The following SLCO5A1 variants were observed in gnomAD, a reference collection of about 807,000 sequenced individuals.
The protein encoded by SLCO5A1 is organic anion transporter polypeptide-related protein 4.
In SLCO5A1, 39 loss-of-function variants were observed where a neutral mutation model predicts 65.1. The observed-to-expected ratio is 0.60, with a 90% confidence interval of 0.46 to 0.78. The LOEUF (loss-of-function observed/expected upper bound fraction) is 0.78, where lower values mean the gene tolerates loss of function less well. SLCO5A1 is among the 30% of genes least tolerant of loss of function. The pLI is 0.00. For synonymous variants in SLCO5A1, 438 were observed against 415.7 expected, an observed-to-expected ratio of 1.05 and a Z score of -0.65; for missense variants, 1,029 against 1,069.4, an observed-to-expected ratio of 0.96 and a Z score of 0.53.
chr8:69,694,710 A>G (rs985958398), intron 6 of SLCO5A1, among the ~76,000 whole-genome samples: 12 of 152,224 alleles, frequency 7.9e-5, no homozygotes, highest in African/African-American at 2.7e-4. Context: ...AAGTCATTCT[A>G]GACTGTATTC....
intron 2 of SLCO5A1, among the ~76,000 whole-genome samples, chr8:69,811,457 A>T (rs1383460871): frequency 6.6e-6 from 1 of 152,168 alleles, no homozygotes; most frequent in African/African-American, 2.4e-5. Context: ...GATTCCATTC[A>T]TCGCTATGGG....
chr8:69,736,709 C>T (rs560648820), intron 5 of SLCO5A1, among the ~76,000 whole-genome samples: 54 of 152,286 alleles, frequency 3.5e-4, no homozygotes, highest in African/African-American at 6.0e-4. Context: ...AAGAATCCTA[C>T]GATACTTTGT....
intron 2 of SLCO5A1, among the ~76,000 whole-genome samples, chr8:69,804,464 C>T (rs1462368650): frequency 6.6e-6 from 1 of 152,038 alleles, no homozygotes; most frequent in Admixed American, 6.6e-5. Flanking sequence ...CAGGCACAGG[C>T]CACCACACCC....
At chr8:69,801,281 C>A (rs1819724642) in intron 2 of SLCO5A1, among the ~76,000 whole-genome samples, 1 of 152,150 alleles carries the variant, frequency 6.6e-6, no homozygotes, top group African/African-American at 2.4e-5. Context: ...GCTGTAAAGA[C>A]CTTAAGGAAT....
intron 2 of SLCO5A1, among the ~76,000 whole-genome samples, chr8:69,825,354 T>C (rs1820830440): frequency 6.6e-6 from 1 of 152,218 alleles, no homozygotes; most frequent in South Asian, 2.1e-4. Flanking sequence ...TGTTTGCAGA[T>C]GACATGATTG....
At chr8:69,777,823 A>G (rs936289435) in intron 2 of SLCO5A1, among the ~76,000 whole-genome samples, 3 of 152,208 alleles carry the variant, frequency 2.0e-5, no homozygotes, top group African/African-American at 7.2e-5. Context: ...ACTGGATGCC[A>G]GAAGCAGACG....
At position 69,684,345 on chromosome 8, in the gene SLCO5A1, G is replaced by A. The variant is rs140350019; in HGVS notation, c.1623-2002C>T. 6.0e-3 allele frequency among the ~76,000 whole-genome samples: 918 copies of A among 152,256 alleles called. 17 individuals carry two copies. The highest frequency in any genetic ancestry group is 0.021 in the African/African-American group (870 of 41,552). ...GTTCCTACTGAGGTAGGAGATCAGC[G>A]GGACCTGCTTTCTGAGCCCTGGTCA... On this transcript the variant is annotated intron_variant, in intron 6 of 9. Transcript: ENST00000260126.
intron 4 of SLCO5A1, 59 bp from the exon 5 acceptor site, chr8:69,738,263 A>C: frequency 2.8e-6 from 4 of 1,453,742 alleles, no homozygotes; most frequent in East Asian, 2.5e-5. Context: ...AAACAAAATA[A>C]AACTGAATTG....
intron 5 of SLCO5A1, among the ~76,000 whole-genome samples, chr8:69,712,290 A>G (rs1586713871): frequency 6.6e-6 from 1 of 152,222 alleles, no homozygotes; most frequent in Non-Finnish European, 1.5e-5. Context: ...GTCAAGCACT[A>G]TTATGCCACA....
chr8:69,779,344 A>G (rs1486297485), intron 2 of SLCO5A1, among the ~76,000 whole-genome samples: 1 of 152,204 alleles, frequency 6.6e-6, no homozygotes, highest in Admixed American at 6.5e-5. Flanking sequence ...TTATAGTTTT[A>G]ACATGTTAAC....
chr8:69,703,358 G>T (rs1814833962), intron 6 of SLCO5A1, among the ~76,000 whole-genome samples: 1 of 151,992 alleles, frequency 6.6e-6, no homozygotes, highest in Admixed American at 6.6e-5. Context: ...TAAATGCCTT[G>T]AAGTTATTTA....
At chr8:69,778,621 T>A (rs559069556) in intron 2 of SLCO5A1, among the ~76,000 whole-genome samples, 157 of 152,304 alleles carry the variant, frequency 1.0e-3, no homozygotes, top group African/African-American at 3.7e-3. Flanking sequence ...AGCAAAAAAA[T>A]TAAACATATC....
chr8:69,830,628 G>A (rs1006578671), intron 2 of SLCO5A1, among the ~76,000 whole-genome samples: 1 of 152,160 alleles, frequency 6.6e-6, no homozygotes, highest in African/African-American at 2.4e-5. Flanking sequence ...CCATCCCTTA[G>A]AAGTTCAGTT....
At chr8:69,674,262 TCCC>T (rs1325728227) in intron 9 of SLCO5A1, among the ~76,000 whole-genome samples, 1 of 151,834 alleles carries the variant, frequency 6.6e-6, no homozygotes, top group Non-Finnish European at 1.5e-5. Context: ...ATTCTTTGCA[TCCC>T]AAAGACCTCA....
chr8:69,695,934 GT>G (rs1203676782), intron 6 of SLCO5A1, among the ~76,000 whole-genome samples: 1 of 152,170 alleles, frequency 6.6e-6, no homozygotes, highest in African/African-American at 2.4e-5. Flanking sequence ...GAAGAAATGG[GT>G]TTAAAAATAA....
At chr8:69,800,297 A>T (rs1030152065) in intron 2 of SLCO5A1, among the ~76,000 whole-genome samples, 113 of 128,950 alleles carry the variant, frequency 8.8e-4, no homozygotes, top group African/African-American at 3.3e-3. Flanking sequence ...CCTGTCACTC[A>T]GCCTGGAATG....
intron 4 of SLCO5A1, among the ~76,000 whole-genome samples, chr8:69,745,460 T>C (rs764858237): frequency 2.0e-5 from 3 of 152,164 alleles, no homozygotes; most frequent in Non-Finnish European, 2.9e-5. Flanking sequence ...TACTGCTTGT[T>C]TTATTATTAT....
intron 3 of SLCO5A1, among the ~76,000 whole-genome samples, chr8:69,758,458 G>A (rs1462591096): frequency 6.6e-6 from 1 of 152,088 alleles, no homozygotes; most frequent in Non-Finnish European, 1.5e-5. Flanking sequence ...GGGATTATAA[G>A]CGTGAGCCAC....
chr8:69,790,141 G>A (rs1257123083), intron 2 of SLCO5A1, among the ~76,000 whole-genome samples: 4 of 146,144 alleles, frequency 2.7e-5, no homozygotes, highest in Non-Finnish European at 3.0e-5. Context: ...GCAGTGAGCC[G>A]AGATCATGCC....
Sources: gnomAD v4.1 joint callset for allele counts (sites outside exome capture counted in the v4.1 genomes callset) on GRCh38, gnomAD v4.1.1 for gene constraint, MANE v1.5 for transcripts, NCBI Gene and HGNC (gene_info 2026-07-23, HGNC 2026-07-21) for gene names.